DNAH6: variants seen among roughly 807,000 people sequenced by gnomAD.
DNAH6 encodes axonemal beta dynein heavy chain 6.
In DNAH6, 340 loss-of-function variants were observed where a neutral mutation model predicts 491.4. The ratio of observed to expected loss-of-function variants is 0.69; its 90% confidence interval spans 0.63 to 0.76. The LOEUF (loss-of-function observed/expected upper bound fraction) is 0.76, where lower values mean the gene tolerates loss of function less well. Among genes scored for constraint, DNAH6 ranks in the 30% least tolerant of loss-of-function variants. The probability of loss-of-function intolerance (pLI) is 0.00; values close to 1 mark genes in which losing one functional copy is unlikely to be tolerated. For missense variants in DNAH6, 4,443 were observed against 4,972.2 expected (o/e 0.89, Z 3.20); for synonymous variants, 1,603 against 1,686.1 (o/e 0.95, Z 1.21).
intron 76 of DNAH6, among the ~76,000 whole-genome samples, chr2:84,818,476 C>G (rs1451151710): frequency 1.1e-5 from 1 of 89,658 alleles, no homozygotes; most frequent in Non-Finnish European, 2.0e-5. Context: ...AAGAATGAGA[C>G]CCTATCTCAA....
intron 11 of DNAH6, among the ~76,000 whole-genome samples, chr2:84,564,877 T>C (rs552533429): frequency 1.3e-3 from 191 of 152,320 alleles, no homozygotes; most frequent in African/African-American, 3.8e-3. Flanking sequence ...ATCCCTAGTC[T>C]GCTTAGGGAT....
the DNAH6 span, among the ~76,000 whole-genome samples, chr2:84,469,337 A>G: frequency 0.068 from 10,283 of 150,768 alleles, 766 homozygotes; most frequent in African/African-American, 0.18. This position sits in a 1 kb window ranked among gnomAD's most constrained non-coding sequence, Gnocchi z 4.0. Flanking sequence ...AAAGGAAAAA[A>G]TTTTTTTTTT....
chr2:84,751,607 C>T (rs1412887218), intron 63 of DNAH6, among the ~76,000 whole-genome samples: 1 of 152,228 alleles, frequency 6.6e-6, no homozygotes, highest in Non-Finnish European at 1.5e-5. Context: ...ATAGTATCAA[C>T]TTCTCAGGAA....
intron 69 of DNAH6, among the ~76,000 whole-genome samples, chr2:84,796,868 A>C (rs1026712734): frequency 6.6e-6 from 1 of 152,186 alleles, no homozygotes; most frequent in Admixed American, 6.5e-5. Context: ...ACTATATAAA[A>C]GTTTTTAAAA....
At chr2:84,461,222 A>C in the DNAH6 span, among the ~76,000 whole-genome samples, 11,984 of 152,310 alleles carry the variant, frequency 0.079, 1,103 homozygotes, top group African/African-American at 0.22. Context: ...CACACTTACA[A>C]GTAAACATAT....
intron 62 of DNAH6, among the ~76,000 whole-genome samples, chr2:84,741,473 C>T (rs1371855463): frequency 6.6e-6 from 1 of 152,142 alleles, no homozygotes; most frequent in Non-Finnish European, 1.5e-5. Context: ...TCAGCCCAAA[C>T]TAAACAAAGC....
the DNAH6 span, among the ~76,000 whole-genome samples, chr2:84,475,171 G>T: frequency 1.3e-5 from 2 of 152,280 alleles, no homozygotes; most frequent in East Asian, 3.9e-4. Context: ...CTGAGGGTAA[G>T]GGTCCCCTAA....
intron 37 of DNAH6, among the ~76,000 whole-genome samples, chr2:84,663,390 A>T (rs149412174): frequency 6.6e-6 from 1 of 152,344 alleles, no homozygotes; most frequent in African/African-American, 2.4e-5. Flanking sequence ...AACAGCATGA[A>T]GAAGACCTTA....
chr2:84,568,595 T>C (rs1316661044), intron 11 of DNAH6, among the ~76,000 whole-genome samples: 2 of 152,042 alleles, frequency 1.3e-5, no homozygotes, highest in South Asian at 2.1e-4. Flanking sequence ...ACAGGATAAA[T>C]AGCAAATACA....
At chr2:84,601,177 A>G (rs1685211479) in intron 18 of DNAH6, among the ~76,000 whole-genome samples, 1 of 151,420 alleles carries the variant, frequency 6.6e-6, no homozygotes, top group Non-Finnish European at 1.5e-5. Context: ...AGAAAACAAA[A>G]TGATGGGAGA....
At chr2:84,512,951 T>C (rs1166705418), upstream of DNAH6, among the ~76,000 whole-genome samples, 1 of 152,062 alleles carries the variant, frequency 6.6e-6, no homozygotes, top group Non-Finnish European at 1.5e-5. Flanking sequence ...ACTGATAGGT[T>C]TAATCAATTT....
At chr2:84,513,757 T>C (rs1675421201), upstream of DNAH6, among the ~76,000 whole-genome samples, 1 of 152,184 alleles carries the variant, frequency 6.6e-6, no homozygotes, top group African/African-American at 2.4e-5. Flanking sequence ...CATGGGTATT[T>C]CCTAGTAGCT....
At chr2:84,620,733 G>A (rs1325355643) in intron 24 of DNAH6, among the ~76,000 whole-genome samples, 3 of 152,118 alleles carry the variant, frequency 2.0e-5, no homozygotes, top group Non-Finnish European at 4.4e-5. Context: ...AGAATCTTGG[G>A]AAAACATGAA....
At chr2:84,487,686 AG>A in the DNAH6 span, among the ~76,000 whole-genome samples, 1 of 152,214 alleles carries the variant, frequency 6.6e-6, no homozygotes, top group Non-Finnish European at 1.5e-5. Context: ...GCCTGTGAAT[AG>A]GGGCCTAAAG....
At chr2:84,614,866 G>C (rs368518354) in intron 22 of DNAH6, among the ~76,000 whole-genome samples, 5 of 151,942 alleles carry the variant, frequency 3.3e-5, no homozygotes, top group African/African-American at 7.2e-5. Flanking sequence ...ACTTTTTGAA[G>C]GGATTGTTTG....
chr2:84,708,886 G>A (rs901847955), intron 54 of DNAH6, among the ~76,000 whole-genome samples: 2 of 152,134 alleles, frequency 1.3e-5, no homozygotes, highest in African/African-American at 2.4e-5. Context: ...GCTTTTTGGG[G>A]ACAGACAGCT....
chr2:84,710,220 A>C, intron 55 of DNAH6, 67 bp from the exon 56 acceptor site: 1 of 1,505,958 alleles, frequency 6.6e-7, no homozygotes, highest in South Asian at 1.3e-5. Context: ...TTTCTTCTAA[A>C]GCTTTCGCTT....
intron 33 of DNAH6, among the ~76,000 whole-genome samples, chr2:84,652,280 CAT>C (rs150507672): frequency 0.011 from 1,714 of 152,044 alleles, 30 homozygotes; most frequent in African/African-American, 0.038. Context: ...CCTATTTCCC[CAT>C]AAGTGTTTTA....
intron 18 of DNAH6, among the ~76,000 whole-genome samples, chr2:84,600,364 T>C (rs771699667): frequency 6.6e-6 from 1 of 152,180 alleles, no homozygotes; most frequent in Non-Finnish European, 1.5e-5. Flanking sequence ...AATGTACCAA[T>C]GTCAATACGT....
Sources: gnomAD v4.1 joint callset for allele counts (sites outside exome capture counted in the v4.1 genomes callset) on GRCh38, gnomAD v4.1.1 for gene constraint, Gnocchi (gnomAD v3.1) non-coding constraint, MANE v1.5 for transcripts, NCBI Gene and HGNC (gene_info 2026-07-23, HGNC 2026-07-21) for gene names.